The following SRPK2 variants were observed in gnomAD, a reference collection of about 807,000 sequenced individuals.
The protein encoded by SRPK2 is SRSF protein kinase 2.
A neutral mutation model predicts 90.8 loss-of-function variants in SRPK2; 21 were observed. The ratio of observed to expected loss-of-function variants is 0.23; its 90% CI spans 0.16 to 0.33. The LOEUF (loss-of-function observed/expected upper bound fraction) is 0.33, where lower values mean the gene tolerates loss of function less well. Among genes scored for constraint, SRPK2 ranks in the 10% least tolerant of loss-of-function variants. The probability of loss-of-function intolerance (pLI) is 1.00; values close to 1 mark genes in which losing one functional copy is unlikely to be tolerated. For synonymous variants in SRPK2, 288 were observed against 311.1 expected, an observed-to-expected ratio of 0.93 and a Z score of 0.78; for missense variants, 620 against 869.0, an observed-to-expected ratio of 0.71 and a Z score of 3.60.
chr7:105,340,281 GT>G (rs1468565051), intron 2 of SRPK2, among the ~76,000 whole-genome samples: 2 of 151,872 alleles, frequency 1.3e-5, no homozygotes, highest in Non-Finnish European at 2.9e-5. Flanking sequence ...AAAAAGCCAA[GT>G]GGGCAGTTGA....
At chr7:105,177,008 T>C (rs1488398523) in intron 3 of SRPK2, among the ~76,000 whole-genome samples, 1 of 152,210 alleles carries the variant, frequency 6.6e-6, no homozygotes, top group Non-Finnish European at 1.5e-5. Context: ...GACTGTCATT[T>C]TCTTATCACT....
At chr7:105,226,458 C>A (rs1798723457) in intron 2 of SRPK2, among the ~76,000 whole-genome samples, 2 of 151,888 alleles carry the variant, frequency 1.3e-5, no homozygotes, top group Non-Finnish European at 2.9e-5. Flanking sequence ...ACCTGGCTAA[C>A]TTTAGTATTT....
intron 2 of SRPK2, among the ~76,000 whole-genome samples, chr7:105,374,578 G>C (rs1200745636): frequency 1.3e-5 from 2 of 152,166 alleles, no homozygotes; most frequent in African/African-American, 4.8e-5. Flanking sequence ...TTAATAATTA[G>C]TTATGAAGTT....
At chr7:105,257,427 A>T (rs527622186) in intron 2 of SRPK2, among the ~76,000 whole-genome samples, 1 of 152,354 alleles carries the variant, frequency 6.6e-6, no homozygotes, top group Non-Finnish European at 1.5e-5. Context: ...AGGAAGTGCC[A>T]CTGCTGACAT....
intron 2 of SRPK2, among the ~76,000 whole-genome samples, chr7:105,292,107 C>T (rs549980383): frequency 1.1e-4 from 17 of 152,332 alleles, no homozygotes; most frequent in Admixed American, 7.2e-4. Flanking sequence ...GCTACCAACA[C>T]TTCAAGGAAT....
At chr7:105,252,241 A>G (rs536989195) in intron 2 of SRPK2, among the ~76,000 whole-genome samples, 1 of 152,326 alleles carries the variant, frequency 6.6e-6, no homozygotes, top group East Asian at 1.9e-4. Context: ...TTGAGTTACA[A>G]TGAAGGAAAT....
chr7:105,305,816 T>A (rs1811082511), intron 2 of SRPK2, among the ~76,000 whole-genome samples: 1 of 152,086 alleles, frequency 6.6e-6, no homozygotes, highest in Non-Finnish European at 1.5e-5. Flanking sequence ...AAAATTTGGG[T>A]TTACACACCA....
Position 105,388,893 on chromosome 7 carries a change from C to G in SRPK2, c.-87G>C. The stretch of plus-strand genomic sequence containing the variant: ...TGGGCTGCAGCCTCCACTCGCTCCG[C>G]CGGCCGGGAGGAGACGAGAACCGCG... On this transcript the variant is annotated 5_prime_UTR_variant, in exon 1 of 16. Transcript: ENST00000393651. 1 of 1,240,890 alleles carries G rather than the reference C, an allele frequency of 8.1e-7. No homozygotes were observed. Among genetic ancestry groups the G allele is most frequent in the Non-Finnish European group, 1.0e-6 (1 of 995,368 alleles). 76.9% of individuals were successfully genotyped at this position (1,240,890 alleles called of 1,614,324 possible). A position where few individuals can be genotyped will look rare whatever the true frequency, so the allele number is the denominator to read the frequency against.
chr7:105,254,220 TTTAC>T (rs1279544751), intron 2 of SRPK2, among the ~76,000 whole-genome samples: 2 of 152,234 alleles, frequency 1.3e-5, no homozygotes, highest in Non-Finnish European at 2.9e-5. Flanking sequence ...ATACTTAACT[TTTAC>T]TAGAGTAAAG....
intron 2 of SRPK2, among the ~76,000 whole-genome samples, chr7:105,280,808 G>A (rs1051085314): frequency 7.3e-5 from 11 of 151,064 alleles, no homozygotes; most frequent in Non-Finnish European, 1.2e-4. Context: ...TTAGCCGGGC[G>A]TGGTGGCGGG....
At chr7:105,243,297 C>T (rs1018388293) in intron 2 of SRPK2, among the ~76,000 whole-genome samples, 10 of 152,200 alleles carry the variant, frequency 6.6e-5, no homozygotes, top group Admixed American at 2.6e-4. Context: ...TGAGCCAATG[C>T]ACCCCGCCTA....
chr7:105,163,475 AG>A (rs1292257886), intron 6 of SRPK2, among the ~76,000 whole-genome samples: 1 of 152,090 alleles, frequency 6.6e-6, no homozygotes, highest in Non-Finnish European at 1.5e-5. Context: ...CTGCAGCGGC[AG>A]ACCATTTGCA....
chr7:105,128,553 C>CA (rs1444239403), intron 13 of SRPK2, among the ~76,000 whole-genome samples: 2 of 152,136 alleles, frequency 1.3e-5, no homozygotes, highest in Admixed American at 1.3e-4. Flanking sequence ...GGGAAACAAT[C>CA]AATTCAGTAT....
intron 7 of SRPK2, among the ~76,000 whole-genome samples, chr7:105,158,718 T>C (rs1467460971): frequency 1.3e-5 from 2 of 152,186 alleles, no homozygotes; most frequent in Non-Finnish European, 2.9e-5. Context: ...TTAGAATGTG[T>C]AATTCCTTTA....
At chr7:105,388,762 G>A (rs1340843070) in intron 1 of SRPK2, 29 bp downstream of exon 1, 2 of 1,533,202 alleles carry the variant, frequency 1.3e-6, no homozygotes, top group East Asian at 2.6e-5. Context: ...GCCGCGTGGC[G>A]GGGAGAGGGC....
chr7:105,151,755 G>A (rs1345236771), intron 7 of SRPK2, among the ~76,000 whole-genome samples: 1 of 151,936 alleles, frequency 6.6e-6, no homozygotes, highest in Non-Finnish European at 1.5e-5. Context: ...CTGGCACGAT[G>A]GCTCACACCT....
intron 15 of SRPK2, among the ~76,000 whole-genome samples, chr7:105,120,653 TA>T (rs202070803): frequency 5.0e-3 from 708 of 140,652 alleles, no homozygotes; most frequent in Middle Eastern, 7.4e-3. Flanking sequence ...GAACCGCCTC[TA>T]AAAAAAAAAA....
chr7:105,247,219 T>C (rs1198581596), intron 2 of SRPK2, among the ~76,000 whole-genome samples: 1 of 152,198 alleles, frequency 6.6e-6, no homozygotes, highest in Non-Finnish European at 1.5e-5. Context: ...CTCTATATAC[T>C]AACTAAGTCC....
rs1168226317 is a variant in SRPK2 at position 105,170,903 on chromosome 7, GAA to G, written c.230-1640_230-1639del. Among the ~76,000 whole-genome samples the G allele has an allele frequency of 2.6e-3, 194 of 73,272 alleles. 4 individuals carry two copies. The highest frequency in any genetic ancestry group is 5.6e-3 in the African/African-American group (114 of 20,488). 48.1% of individuals were successfully genotyped at this position (73,272 alleles called of 152,430 possible). On this transcript the variant is annotated intron_variant, in intron 3 of 15. Coordinates refer to ENST00000393651, the MANE Select transcript of SRPK2 (RefSeq NM_182692.3). The stretch of plus-strand genomic sequence containing the variant: ...AGAAAGAAAGAAAGAAAGAAAGAAA[GAA>G]AGAAAGAAAGGAGAAAGAAAAAGAA...
Sources: gnomAD v4.1 joint callset for allele counts (sites outside exome capture counted in the v4.1 genomes callset) on GRCh38, gnomAD v4.1.1 for gene constraint, MANE v1.5 for transcripts, NCBI Gene and HGNC (gene_info 2026-07-23, HGNC 2026-07-21) for gene names.